Variants in FLG observed in about 807,000 individuals in gnomAD.
The protein encoded by FLG is filaggrin.
A neutral mutation model predicts 3.8 loss-of-function variants in FLG; 6 were observed. The observed-to-expected ratio is 1.60, with a 90% CI of 0.87 to 3.15. The LOEUF is 3.15. Ranked by LOEUF, FLG falls within the 30% of genes most tolerant of loss-of-function variation. The pLI, the probability that FLG is intolerant of heterozygous loss-of-function variation, is 0.00. For missense variants in FLG, 7,595 were observed against 5,050.9 expected (o/e 1.50, Z -15.27); for synonymous variants, 2,551 against 1,931.6 (o/e 1.32, Z -8.41).
Position 152,308,409 on chromosome 1 carries a change from A to T in FLG, c.6477T>A (p.Asp2159Glu), listed in dbSNP as rs771980280. The change falls in exon 3 of 3, where the codon GAT becomes GAA. Residue 2159 changes from aspartate (D) to glutamate (E), a missense_variant. Physicochemically the swap from Asp to Glu is conservative, Grantham distance 45. Transcript: ENST00000368799. ...RQGSHQEQSV[D>E]RSGHSGSHHS... Reference sequence around the variant, plus strand: ...GATGAGACCCTGAGTGTCCAGACCTATCTACCGATTGCTCTTGGTGGGACC... The same window carrying T: ...GATGAGACCCTGAGTGTCCAGACCTTTCTACCGATTGCTCTTGGTGGGACC... The T allele has an allele frequency of 1.2e-6, 2 of 1,613,158 alleles. No individual in the cohort carries two copies. Among genetic ancestry groups the T allele is most frequent in the African/African-American group, 1.3e-5 (1 of 74,766 alleles).
chr1:152,307,537 G>T lies in FLG; in HGVS notation c.7349C>A (p.Ser2450Tyr). 1.2e-6 allele frequency: 2 copies of T among 1,613,764 alleles called. No individual in the cohort carries two copies. Among genetic ancestry groups the T allele is most frequent in the Non-Finnish European group, 1.7e-6 (2 of 1,179,950 alleles). Residue 2450 changes from serine to tyrosine, a missense_variant, in exon 3 of 3, where the codon TCC becomes TAC. Physicochemically the swap from Ser to Tyr is moderately radical, Grantham distance 144. Coordinates refer to ENST00000368799, the MANE Select transcript of FLG (RefSeq NM_002016.2). Reference sequence around the variant, plus strand: ...ACCCTCTTGGGACGTTGAGTGCCTGGAGCTGTCTCGTGCCTGCTTGTGGTG... The same window carrying T: ...ACCCTCTTGGGACGTTGAGTGCCTGTAGCTGTCTCGTGCCTGCTTGTGGTG... ...GSHHKQARDS[S>Y]RHSTSQEGQD...
Position 152,303,512 on chromosome 1 carries a change from T to C in FLG, c.11374A>G (p.Thr3792Ala). Residue 3792 changes from threonine (T) to alanine (A), a missense_variant, in exon 3 of 3, where the codon ACA (threonine) becomes GCA (alanine). Coordinates refer to ENST00000368799, the MANE Select transcript of FLG (RefSeq NM_002016.2). ...GHSGSHHSHT[T>A]SQGRSDASHG... ...GAGGCATCAGACCTTCCCTGGGATG[T>C]GGTGTGGCTGTGATGGGACCCTGAG... The C allele has an allele frequency of 6.2e-7, 1 of 1,614,068 alleles. No homozygotes were observed.
intron 2 of FLG, chr1:152,314,957 GGTAA>G (rs1652725121): frequency 1.8e-6 from 1 of 560,198 alleles, no homozygotes; most frequent in Non-Finnish European, 3.1e-6. Context: ...GATTTGATGG[GGTAA>G]GTGACTCTTT....
At position 152,309,428 on chromosome 1, in the gene FLG, T is replaced by C. The variant is rs147824103; in HGVS notation, c.5458A>G (p.Ser1820Gly). The change falls in exon 3 of 3, where the codon AGC (serine) becomes GGC (glycine). Residue 1820 changes from serine (S) to glycine (G), a missense_variant. Transcript: ENST00000368799. The stretch of plus-strand genomic sequence containing the variant: ...TGGGATCCCTGCCTTCCTCCTCTGC[T>C]TGACCCTGGGTGTCCACGAATGGTG... ...QDTIRGHPGSSRGGRQGSHYE... is the reference protein window; with the variant it reads ...QDTIRGHPGSGRGGRQGSHYE... 52 of 1,613,310 alleles carry C rather than the reference T, an allele frequency of 3.2e-5. No homozygotes were observed. Among genetic ancestry groups the C allele is most frequent in the Non-Finnish European group, 4.3e-5 (51 of 1,179,902 alleles).
chr1:152,307,081 C>A lies in FLG; in HGVS notation c.7805G>T (p.Gly2602Val). Residue 2602 changes from glycine (G) to valine (V), a missense_variant, in exon 3 of 3, where the codon GGC becomes GTC. Physicochemically the swap from Gly to Val is moderately radical, Grantham distance 109 (BLOSUM62 -3). Transcript: ENST00000368799. ...HGSAQEQLRD[G>V]SRHPRSHQED... ...TTGATGGGACCTGGGGTGTCTGGAG[C>A]CATCTCTTAGCTGCTCCTGAGCAGA... The A allele has an allele frequency of 6.2e-7, 1 of 1,609,908 alleles. No individual in the cohort carries two copies. The highest frequency in any genetic ancestry group is 8.5e-7 in the Non-Finnish European group (1 of 1,179,562).
Position 152,312,494 on chromosome 1 carries a change from T to C in FLG, c.2392A>G (p.Ser798Gly). 6.2e-7 allele frequency: 1 copy of C among 1,613,650 alleles called. No homozygotes were observed. The highest frequency in any genetic ancestry group is 2.2e-5 in the East Asian group (1 of 44,818). ...GAGGACTCAGACTGTTTATGAGTGCTCACCTGGTAGAGGAAAGACCCTGAA... is the reference window on the plus strand; with the variant it reads ...GAGGACTCAGACTGTTTATGAGTGCCCACCTGGTAGAGGAAAGACCCTGAA... The part of the protein sequence containing the change: ...RRSGSFLYQV[S>G]THKQSESSHG... The change falls in exon 3 of 3, where the codon AGC (serine) becomes GGC (glycine). Residue 798 changes from serine (S) to glycine (G), a missense_variant. Physicochemically the swap from Ser to Gly is moderately conservative, Grantham distance 56 (BLOSUM62 0). Coordinates refer to ENST00000368799, the MANE Select transcript of FLG (RefSeq NM_002016.2).
rs150861811 is a variant in FLG at position 152,321,063 on chromosome 1, T to C, written c.-22+4126A>G. On this transcript the variant is annotated intron_variant, in intron 1 of 2. Transcript: ENST00000368799. ...TAGATATTTATAGCCTATATATATA[T>C]ACACACACACATATATACATATATA... Among the ~76,000 whole-genome samples the C allele has an allele frequency of 5.6e-4, 84 of 150,756 alleles. 3 individuals carry two copies. The East Asian group carries it at 5.8e-3, about 10-fold the overall frequency.
In FLG at chr1:152,310,288, C is replaced by G; in HGVS notation, c.4598G>C (p.Gly1533Ala). The G allele has an allele frequency of 6.2e-7, 1 of 1,613,776 alleles. No individual in the cohort carries two copies. Among genetic ancestry groups the G allele is most frequent in the South Asian group, 1.1e-5 (1 of 91,052 alleles). ...TPQGRSDASH[G>A]QSGPRSASRQ... ...GCTTGCACTTCTGGGTCCTGACTGC[C>G]CATGGGAGGCATCAGACCTTCCCTG... Residue 1533 changes from glycine to alanine, a missense_variant, in exon 3 of 3, where the codon GGG (glycine) becomes GCG (alanine). Physicochemically the swap from Gly to Ala is moderately conservative, Grantham distance 60. Transcript: ENST00000368799.
Position 152,314,274 on chromosome 1 carries a change from A to G in FLG, c.612T>C (p.Leu204=), listed in dbSNP as rs186253117. ...GDNRKRLSER[L]EEKEDNEEGV... Reference sequence around the variant, plus strand: ...CTTCTTCATTGTCTTCTTTCTCTTCAAGTCTTTCACTTAGCCTCTTCCTAT... The same window carrying G: ...CTTCTTCATTGTCTTCTTTCTCTTCGAGTCTTTCACTTAGCCTCTTCCTAT... The change falls in exon 3 of 3, where the codon CTT becomes CTC. Residue 204 remains leucine, a synonymous_variant. Coordinates refer to ENST00000368799, the MANE Select transcript of FLG (RefSeq NM_002016.2). 4.3e-6 allele frequency: 7 copies of G among 1,612,462 alleles called. No homozygotes were observed. Among genetic ancestry groups the G allele is most frequent in the Non-Finnish European group, 5.1e-6 (6 of 1,179,714 alleles).
Position 152,309,674 on chromosome 1 carries a change from C to T in FLG, c.5212G>A (p.Gly1738Arg), listed in dbSNP as rs376237195. The T allele has an allele frequency of 2.3e-5, 37 of 1,613,938 alleles. No individual in the cohort carries two copies. The highest frequency in any genetic ancestry group is 1.1e-4 in the African/African-American group (8 of 75,000). Residue 1738 changes from glycine to arginine, a missense_variant, in exon 3 of 3, where the codon GGA becomes AGA. Coordinates refer to ENST00000368799, the MANE Select transcript of FLG (RefSeq NM_002016.2). Reference sequence around the variant, plus strand: ...CTCTGCTGATGGGGCCCAGCCTGTCCGTGGGCTGACACTGACTGTGTGTCT... The same window carrying T: ...CTCTGCTGATGGGGCCCAGCCTGTCTGTGGGCTGACACTGACTGTGTGTCT... ...ESDTQSVSAH[G>R]QAGPHQQSHQ... is the part of the protein sequence containing the mutation.
At position 152,303,755 on chromosome 1, in the gene FLG, G is replaced by T. The variant is rs779813285; in HGVS notation, c.11131C>A (p.Leu3711Ile). The change falls in exon 3 of 3, where the codon CTC becomes ATC. Residue 3711 changes from leucine (L) to isoleucine (I), a missense_variant. Leu to Ile is a conservative substitution (Grantham distance 5). Coordinates refer to ENST00000368799, the MANE Select transcript of FLG (RefSeq NM_002016.2). ...AGRSGRSGSF[L>I]YQVSTHEQSE... ...TGTTCATGAGTGCTCACCTGGTAGA[G>T]GAAAGACCCTGAACGTCCAGACCTT... The T allele has an allele frequency of 1.6e-5, 26 of 1,613,786 alleles. No homozygotes were observed. Among genetic ancestry groups the T allele is most frequent in the Admixed American group, 1.0e-4 (6 of 59,974 alleles).
Position 152,312,755 on chromosome 1 carries a change from G to C in FLG, c.2131C>G (p.Arg711Gly), listed in dbSNP as rs115087788. ...RSSAGERHGS[R>G]HQLQSADSSR... ...CTGTCTGCTGACTGGAGCTGGTGGC[G>C]GGATCCATGTCTTTCTCCTGCACTT... is the stretch of plus-strand genomic sequence containing the variant. Residue 711 changes from arginine to glycine, a missense_variant, in exon 3 of 3, where the codon CGC becomes GGC. Physicochemically the swap from Arg to Gly is moderately radical, Grantham distance 125 (BLOSUM62 -2). Coordinates refer to ENST00000368799, the MANE Select transcript of FLG (RefSeq NM_002016.2). The C allele has an allele frequency of 1.2e-6, 2 of 1,613,918 alleles. No individual in the cohort carries two copies. The highest frequency in any genetic ancestry group is 2.2e-5 in the East Asian group (1 of 44,840).
At position 152,313,620 on chromosome 1, in the gene FLG, G is replaced by A; in HGVS notation, c.1266C>T (p.Ala422=). The A allele has an allele frequency of 6.2e-7, 1 of 1,613,928 alleles. No homozygotes were observed. Among genetic ancestry groups the A allele is most frequent in the Middle Eastern group, 1.6e-4 (1 of 6,062 alleles). Residue 422 remains alanine (A), a synonymous_variant, in exon 3 of 3, where the codon GCC becomes GCT. Coordinates refer to ENST00000368799, the MANE Select transcript of FLG (RefSeq NM_002016.2). ...RGHRGSSGSQ[A]SDSEGHSENS... The stretch of plus-strand genomic sequence containing the variant: ...TTTCTGAATGTCCCTCACTGTCACT[G>A]GCCTGACTACCGCTAGACCCCCGGT...
rs752678129 is a variant in FLG at position 152,309,907 on chromosome 1, G to A, written c.4979C>T (p.Thr1660Ile). The A allele has an allele frequency of 3.1e-6, 5 of 1,613,966 alleles. No homozygotes were observed. In the African/African-American group the frequency reaches 5.3e-5, roughly 17 times the overall value. The change falls in exon 3 of 3, where the codon ACT (threonine) becomes ATT (isoleucine). Residue 1660 changes from threonine (T) to isoleucine (I), a missense_variant. By Grantham distance (89) the Thr-to-Ile change is moderately conservative (BLOSUM62 -1). Coordinates refer to ENST00000368799, the MANE Select transcript of FLG (RefSeq NM_002016.2). ...SRQSGTRHAE[T>I]SSGGQAASSQ... ...TGATGCAGCCTGTCCACCAGAGGAA[G>A]TCTCTGCATGACGAGTGCCTGATTG...
chr1:152,319,573 A>G (rs528298284), intron 1 of FLG, among the ~76,000 whole-genome samples: 12 of 151,498 alleles, frequency 7.9e-5, no homozygotes, highest in African/African-American at 2.2e-4. Flanking sequence ...CAATGAGGAA[A>G]TCCTAAGAGC....
intron 1 of FLG, among the ~76,000 whole-genome samples, chr1:152,318,168 T>G (rs1158388177): frequency 6.6e-6 from 1 of 151,970 alleles, no homozygotes; most frequent in African/African-American, 2.4e-5. Context: ...AATTAACTGC[T>G]TCATTTCACA....
At position 152,303,317 on chromosome 1, in the gene FLG, T is replaced by A; in HGVS notation, c.11569A>T (p.Arg3857Trp). 6.2e-7 allele frequency: 1 copy of A among 1,614,060 alleles called. No homozygotes were observed. Among genetic ancestry groups the A allele is most frequent in the Non-Finnish European group, 8.5e-7 (1 of 1,179,998 alleles). Residue 3857 changes from arginine (R) to tryptophan (W), a missense_variant, in exon 3 of 3, where the codon AGG (arginine) becomes TGG (tryptophan). Physicochemically the swap from Arg to Trp is moderately radical, Grantham distance 101. Transcript: ENST00000368799. Reference sequence around the variant, plus strand: ...TGGCTAACACTGGATCCCTGGCGCCTGCTTCTCCTGGACCCCGCTGATTCA... The same window carrying A: ...TGGCTAACACTGGATCCCTGGCGCCAGCTTCTCCTGGACCCCGCTGATTCA... ...QGESAGSRRS[R>W]RQGSSVSQDS...
chr1:152,313,427 T>G lies in FLG; in HGVS notation c.1459A>C (p.Thr487Pro). The G allele has an allele frequency of 6.2e-7, 1 of 1,613,818 alleles. No homozygotes were observed. Among genetic ancestry groups the G allele is most frequent in the Non-Finnish European group, 8.5e-7 (1 of 1,179,966 alleles). Residue 487 changes from threonine (T) to proline (P), a missense_variant, in exon 3 of 3, where the codon ACC becomes CCC. Physicochemically the swap from Thr to Pro is conservative, Grantham distance 38 (BLOSUM62 -1). Transcript: ENST00000368799. The stretch of plus-strand genomic sequence containing the variant: ...GATCCTTGTCTTCCTCCAGTGCTGG[T>G]CCCGGTCCGTCCATGGGCAGAGTCA... ...QPDSAHGRTGTSTGGRQGSHH... is the reference protein window; with the variant it reads ...QPDSAHGRTGPSTGGRQGSHH...
chr1:152,307,828 G>C lies in FLG; in HGVS notation c.7058C>G (p.Ser2353Cys), dbSNP rs200206194. 3.1e-5 allele frequency: 50 copies of C among 1,613,334 alleles called. No homozygotes were observed. Among genetic ancestry groups the C allele is most frequent in the Non-Finnish European group, 4.0e-5 (47 of 1,179,932 alleles). Reference protein sequence around the residue: ...HSGIGHGQASSAVRDSGHRGS... With the variant: ...HSGIGHGQASCAVRDSGHRGS... The stretch of plus-strand genomic sequence containing the variant: ...TCGGTGTCCACTGTCTCTGACTGCA[G>C]ATGAAGCTTGTCCGTGCCCAATGCC... The change falls in exon 3 of 3, where the codon TCT becomes TGT. Residue 2353 changes from serine (S) to cysteine (C), a missense_variant. Physicochemically the swap from Ser to Cys is moderately radical, Grantham distance 112. Transcript: ENST00000368799.
Sources: gnomAD v4.1 joint callset for allele counts (sites outside exome capture counted in the v4.1 genomes callset) on GRCh38, gnomAD v4.1.1 for gene constraint, MANE v1.5 for transcripts, NCBI Gene and HGNC (gene_info 2026-07-23, HGNC 2026-07-21) for gene names.